The following TMOD3 variants were observed in gnomAD, a reference collection of about 807,000 sequenced individuals.
TMOD3 encodes the protein tropomodulin-3.
A neutral mutation model predicts 39.2 loss-of-function variants in TMOD3; 20 were observed. The ratio of observed to expected loss-of-function variants is 0.51; its 90% CI spans 0.36 to 0.74. The LOEUF (loss-of-function observed/expected upper bound fraction) is 0.74. Ranked by LOEUF, TMOD3 falls within the 30% of genes least tolerant of loss-of-function variation. The pLI is 0.00. For synonymous variants in TMOD3, 143 were observed against 145.8 expected (o/e 0.98, Z 0.14); for missense variants, 381 against 412.8 (o/e 0.92, Z 0.67).
chr15:51,879,856 T>TCTCACACACACACACACACA lies in TMOD3; in HGVS notation c.284-7732_284-7731insTCACACACACACACACACAC, dbSNP rs1555387131. Among the ~76,000 whole-genome samples the TCTCACACACACACACACACA allele has an allele frequency of 9.8e-5, 14 of 142,658 alleles. 1 individual carries two copies. The highest frequency in any genetic ancestry group is 3.7e-4 in the African/African-American group (14 of 38,308). The allele number at this position is 142,658 out of a possible 152,430, so 93.6% of individuals were successfully genotyped here. A position where few individuals can be genotyped will look rare whatever the true frequency, so the allele number is the denominator to read the frequency against. On this transcript the variant is annotated intron_variant, in intron 3 of 9. Transcript: ENST00000308580. The stretch of plus-strand genomic sequence containing the variant: ...CAATCTCTTTCTCTCTCTCTGTCTT[T>TCTCACACACACACACACACA]CACACACACACACACACACACACAC...
intron 1 of TMOD3, among the ~76,000 whole-genome samples, chr15:51,830,539 A>T (rs930841518): frequency 6.6e-6 from 1 of 152,184 alleles, no homozygotes; most frequent in Non-Finnish European, 1.5e-5. Context: ...TTTAATGTTT[A>T]GTTAAGAATC....
intron 9 of TMOD3, among the ~76,000 whole-genome samples, chr15:51,905,950 CAAAAAAAAAAA>C (rs869172248): frequency 9.3e-4 from 60 of 64,746 alleles, no homozygotes; most frequent in African/African-American, 3.0e-3. Flanking sequence ...GACTCCGTCT[CAAAAAAAAAAA>C]AAAAAAAAAA....
intron 9 of TMOD3, among the ~76,000 whole-genome samples, chr15:51,905,980 A>G (rs12902707): frequency 1.5e-5 from 2 of 137,034 alleles, no homozygotes; most frequent in Non-Finnish European, 3.1e-5. Flanking sequence ...AAAAAAAAAA[A>G]GAAATTGGAC....
intron 3 of TMOD3, among the ~76,000 whole-genome samples, chr15:51,883,654 AT>A (rs1239227139): frequency 6.6e-6 from 1 of 152,204 alleles, no homozygotes; most frequent in East Asian, 1.9e-4. Context: ...CTTGGCTGCT[AT>A]GCATCAGAAT....
At chr15:51,857,214 G>A (rs1286194806) in intron 1 of TMOD3, among the ~76,000 whole-genome samples, 1 of 152,148 alleles carries the variant, frequency 6.6e-6, no homozygotes, top group Non-Finnish European at 1.5e-5. Context: ...TACAAATAAG[G>A]CAAAACTGAA....
At chr15:51,877,472 G>A (rs974523326) in intron 3 of TMOD3, among the ~76,000 whole-genome samples, 1 of 152,112 alleles carries the variant, frequency 6.6e-6, no homozygotes, top group South Asian at 2.1e-4. Context: ...GAGGTCAGCA[G>A]TTCGATACCA....
At chr15:51,884,867 G>T (rs1013853913) in intron 3 of TMOD3, among the ~76,000 whole-genome samples, 2 of 152,198 alleles carry the variant, frequency 1.3e-5, no homozygotes, top group Non-Finnish European at 2.9e-5. Flanking sequence ...CCACCTTCCT[G>T]TGGGCTTATT....
At chr15:51,885,894 C>T (rs1032169873) in intron 3 of TMOD3, among the ~76,000 whole-genome samples, 17 of 149,746 alleles carry the variant, frequency 1.1e-4, no homozygotes, top group African/African-American at 3.5e-4. Flanking sequence ...ACCTCCCAGA[C>T]GGGGTGGCTG....
intron 1 of TMOD3, among the ~76,000 whole-genome samples, chr15:51,834,246 T>C (rs538163138): frequency 1.3e-5 from 2 of 152,276 alleles, no homozygotes; most frequent in East Asian, 1.9e-4. Flanking sequence ...CTTGTCTACT[T>C]TCTCAATGAT....
rs552018515 is a variant in TMOD3 at position 51,847,306 on chromosome 15, T to A, written c.-74-15505T>A. Among the ~76,000 whole-genome samples the A allele has an allele frequency of 2.2e-4, 34 of 152,336 alleles. 1 individual carries two copies. The highest frequency in any genetic ancestry group is 8.8e-5 in the Non-Finnish European group (6 of 68,032). On this transcript the variant is annotated intron_variant, in intron 1 of 9. Coordinates refer to ENST00000308580, the MANE Select transcript of TMOD3 (RefSeq NM_014547.5). ...AAGTTTTTCTGCACTGCCTTCAGAT[T>A]TCAAACTATTTTCTCTGCAATCTAT...
chr15:51,877,144 CCTTA>C (rs2056508710), intron 3 of TMOD3, among the ~76,000 whole-genome samples: 2 of 152,108 alleles, frequency 1.3e-5, no homozygotes, highest in African/African-American at 4.8e-5. Flanking sequence ...TTTTTAATGT[CCTTA>C]CTTGCCAATT....
At chr15:51,891,921 G>T (rs1317270829) in intron 5 of TMOD3, among the ~76,000 whole-genome samples, 2 of 152,128 alleles carry the variant, frequency 1.3e-5, no homozygotes, top group Non-Finnish European at 2.9e-5. Flanking sequence ...CACTAAATTT[G>T]TCTCTTCTCA....
At chr15:51,880,409 A>G (rs930078096) in intron 3 of TMOD3, among the ~76,000 whole-genome samples, 5 of 152,154 alleles carry the variant, frequency 3.3e-5, no homozygotes, top group African/African-American at 1.2e-4. Flanking sequence ...TGATAGAATT[A>G]TGCAACCATC....
intron 8 of TMOD3, among the ~76,000 whole-genome samples, chr15:51,900,794 TTA>T (rs1311039983): frequency 2.0e-5 from 3 of 152,240 alleles, no homozygotes; most frequent in Admixed American, 6.5e-5. Flanking sequence ...GAAAAGAGGA[TTA>T]TGTCTTAAAA....
intron 1 of TMOD3, among the ~76,000 whole-genome samples, chr15:51,839,365 C>G (rs1450771080): frequency 6.6e-6 from 1 of 151,454 alleles, no homozygotes; most frequent in Admixed American, 6.6e-5. Context: ...GAGATGGGGT[C>G]TCTTTATGTT....
At chr15:51,905,943 T>C (rs1595914699) in intron 9 of TMOD3, among the ~76,000 whole-genome samples, 1 of 81,582 alleles carries the variant, frequency 1.2e-5, no homozygotes. Context: ...AGAGCGAGAC[T>C]CCGTCTCAAA....
At position 51,908,976 on chromosome 15, in the gene TMOD3, A is replaced by G; in HGVS notation, c.*166A>G. The G allele has an allele frequency of 2.3e-6, 1 of 439,128 alleles. No homozygotes were observed. The highest frequency in any genetic ancestry group is 3.5e-5 in the East Asian group (1 of 28,770). 27.2% of individuals were successfully genotyped at this position (439,128 alleles called of 1,614,324 possible). A position where few individuals can be genotyped will look rare whatever the true frequency, so the allele number is the denominator to read the frequency against. ...ATCAAATTGTAAAATCAGTAATGTG[A>G]TATTTTATATTCTGAAACATTTCTA... On this transcript the variant is annotated 3_prime_UTR_variant, in exon 10 of 10. Transcript: ENST00000308580.
intron 2 of TMOD3, 121 bp from the exon 3 acceptor site, chr15:51,869,096 G>A (rs2056461640): frequency 9.7e-7 from 1 of 1,032,478 alleles, no homozygotes; most frequent in African/African-American, 1.6e-5. Context: ...ATCCTGCAAT[G>A]AAGTGTTTAG....
At chr15:51,830,366 G>A (rs1410667887) in intron 1 of TMOD3, among the ~76,000 whole-genome samples, 1 of 152,204 alleles carries the variant, frequency 6.6e-6, no homozygotes, top group Non-Finnish European at 1.5e-5. Flanking sequence ...CTAGCTCCCA[G>A]GCAGCACAGC....
Sources: allele counts gnomAD v4.1 joint callset (sites outside exome capture counted in the v4.1 genomes callset), GRCh38; gene constraint gnomAD v4.1.1; transcripts MANE v1.5; gene names NCBI Gene and HGNC (gene_info 2026-07-23, HGNC 2026-07-21).